GRID2: variants seen among roughly 807,000 people sequenced by gnomAD.
GRID2 encodes glutamate ionotropic receptor delta type subunit 2.
A neutral mutation model predicts 114.8 loss-of-function variants in GRID2; 33 were observed. The observed-to-expected ratio is 0.29, with a 90% CI of 0.22 to 0.38. GRID2 has a LOEUF of 0.38. Ranked by LOEUF, GRID2 falls within the 10% of genes least tolerant of loss-of-function variation. The pLI, the probability that GRID2 is intolerant of heterozygous loss-of-function variation, is 1.00. For synonymous variants in GRID2, 505 were observed against 449.9 expected, an observed-to-expected ratio of 1.12 and a Z score of -1.55; for missense variants, 1,184 against 1,257.7, an observed-to-expected ratio of 0.94 and a Z score of 0.89.
chr4:93,070,970 C>A (rs373032646), intron 2 of GRID2, among the ~76,000 whole-genome samples: 1 of 152,124 alleles, frequency 6.6e-6, no homozygotes, highest in South Asian at 2.1e-4. Flanking sequence ...CTCTTCTATA[C>A]GCCAAGCATA....
At chr4:92,454,415 T>A (rs1721102640) in intron 1 of GRID2, among the ~76,000 whole-genome samples, 1 of 152,230 alleles carries the variant, frequency 6.6e-6, no homozygotes, top group Non-Finnish European at 1.5e-5. Flanking sequence ...ATTCTCCATA[T>A]AAATACAGTT....
Position 93,230,669 on chromosome 4 carries a change from T to A in GRID2, c.1125+5894T>A, listed in dbSNP as rs532578894. 7.2e-5 allele frequency among the ~76,000 whole-genome samples: 11 copies of A among 152,242 alleles called. 1 individual carries two copies. Among genetic ancestry groups the A allele is most frequent in the Non-Finnish European group, 1.3e-4 (9 of 67,968 alleles). On this transcript the variant is annotated intron_variant, in intron 7 of 15. Transcript: ENST00000282020. ...GCTAATTAGTTTTAAATACCAGGTT[T>A]TTTGGTTTCTAATTTGGTGTCTGTG...
At chr4:92,830,789 C>A (rs913626311) in intron 2 of GRID2, among the ~76,000 whole-genome samples, 1 of 152,082 alleles carries the variant, frequency 6.6e-6, no homozygotes, top group Non-Finnish European at 1.5e-5. Context: ...CTTATTCTAC[C>A]TAGGTCTACA....
At chr4:92,626,779 C>G (rs1730545832) in intron 2 of GRID2, among the ~76,000 whole-genome samples, 1 of 151,898 alleles carries the variant, frequency 6.6e-6, no homozygotes. Flanking sequence ...AAACAATTAT[C>G]AAATACACAA....
At chr4:93,297,073 G>A (rs1754382636) in intron 8 of GRID2, among the ~76,000 whole-genome samples, 1 of 151,970 alleles carries the variant, frequency 6.6e-6, no homozygotes, top group South Asian at 2.1e-4. Context: ...TCATATCTAT[G>A]GCATACATTA....
chr4:93,428,923 G>A (rs1769131345), intron 10 of GRID2, among the ~76,000 whole-genome samples: 1 of 152,170 alleles, frequency 6.6e-6, no homozygotes, highest in African/African-American at 2.4e-5. Context: ...GAATCAAAGA[G>A]CAAAGGATGA....
At chr4:93,766,862 AT>A (rs765887420) in intron 14 of GRID2, among the ~76,000 whole-genome samples, 3 of 152,184 alleles carry the variant, frequency 2.0e-5, no homozygotes, top group Non-Finnish European at 4.4e-5. Flanking sequence ...ACAATACAGT[AT>A]TGCTAACTAT....
intron 2 of GRID2, among the ~76,000 whole-genome samples, chr4:92,655,770 C>T (rs1481927895): frequency 1.3e-5 from 2 of 151,474 alleles, no homozygotes; most frequent in Non-Finnish European, 3.0e-5. Context: ...TCAGATTTTC[C>T]CCATATAAGA....
intron 2 of GRID2, among the ~76,000 whole-genome samples, chr4:92,888,919 G>A (rs1287582066): frequency 5.9e-5 from 9 of 151,838 alleles, no homozygotes; most frequent in African/African-American, 2.2e-4. Context: ...ATCTGTATAT[G>A]AGCAGATATA....
At chr4:92,621,986 A>T (rs1391235320) in intron 2 of GRID2, among the ~76,000 whole-genome samples, 3 of 151,822 alleles carry the variant, frequency 2.0e-5, no homozygotes, top group Non-Finnish European at 2.9e-5. Flanking sequence ...ACATTGAACT[A>T]TTGAGCTAAT....
At chr4:93,355,343 C>A (rs1761230268) in intron 8 of GRID2, among the ~76,000 whole-genome samples, 1 of 151,970 alleles carries the variant, frequency 6.6e-6, no homozygotes. Flanking sequence ...GATTGTCCAA[C>A]ATTGGTCACT....
chr4:93,092,401 G>T (rs959866641), intron 3 of GRID2, among the ~76,000 whole-genome samples: 6 of 151,998 alleles, frequency 3.9e-5, no homozygotes, highest in Non-Finnish European at 7.4e-5. Context: ...GTGATCAGAG[G>T]CCAAAATAGT....
chr4:92,647,951 T>C (rs1293240844), intron 2 of GRID2, among the ~76,000 whole-genome samples: 1 of 149,744 alleles, frequency 6.7e-6, no homozygotes, highest in Non-Finnish European at 1.5e-5. Context: ...TGGAAGATAA[T>C]ATTCTGCTCA....
At chr4:92,819,922 T>C (rs895757228) in intron 2 of GRID2, among the ~76,000 whole-genome samples, 1 of 152,156 alleles carries the variant, frequency 6.6e-6, no homozygotes, top group Non-Finnish European at 1.5e-5. Flanking sequence ...GTGAGAATTA[T>C]AATGTGCTTT....
chr4:93,308,350 T>G (rs1391367643), intron 8 of GRID2, among the ~76,000 whole-genome samples: 10 of 152,170 alleles, frequency 6.6e-5, no homozygotes, highest in African/African-American at 2.2e-4. Flanking sequence ...CAGTTCAAAA[T>G]CAATTCTATT....
At chr4:93,098,107 G>A (rs759295162) in intron 3 of GRID2, among the ~76,000 whole-genome samples, 10 of 152,102 alleles carry the variant, frequency 6.6e-5, no homozygotes, top group African/African-American at 2.4e-4. Flanking sequence ...TATGCCACGT[G>A]TTGTCTTGTT....
intron 12 of GRID2, among the ~76,000 whole-genome samples, chr4:93,495,105 C>T (rs1285898559): frequency 6.6e-6 from 1 of 151,724 alleles, no homozygotes; most frequent in Non-Finnish European, 1.5e-5. Context: ...CTTGGACCTA[C>T]TCAAAGGGAT....
chr4:92,338,577 C>G (rs552568586), intron 1 of GRID2, among the ~76,000 whole-genome samples: 1 of 151,956 alleles, frequency 6.6e-6, no homozygotes, highest in African/African-American at 2.4e-5. Context: ...TAGTATCTCT[C>G]AGTTTTATGT....
At chr4:92,852,755 T>G (rs1421274080) in intron 2 of GRID2, among the ~76,000 whole-genome samples, 1 of 151,908 alleles carries the variant, frequency 6.6e-6, no homozygotes, top group Non-Finnish European at 1.5e-5. Context: ...GTAACCACAC[T>G]GGAATATTAT....
Sources: allele counts gnomAD v4.1 joint callset (sites outside exome capture counted in the v4.1 genomes callset), GRCh38; gene constraint gnomAD v4.1.1; transcripts MANE v1.5; gene names NCBI Gene and HGNC (gene_info 2026-07-23, HGNC 2026-07-21).